Variants in QTMAN observed in about 807,000 individuals in gnomAD.
The protein encoded by QTMAN is queuosine-tRNA mannosyltransferase.
At chr2:144,332,910 C>G in the QTMAN span, among the ~76,000 whole-genome samples, 6 of 152,196 alleles carry the variant, frequency 3.9e-5, no homozygotes, top group African/African-American at 1.4e-4. Context: ...CTGTGCTGTT[C>G]ATTAGGTCGA....
the QTMAN span, among the ~76,000 whole-genome samples, chr2:144,151,214 T>C: frequency 1.5e-4 from 23 of 152,286 alleles, no homozygotes; most frequent in African/African-American, 5.5e-4. Flanking sequence ...TTCTTGCTTT[T>C]AACACCATGT....
the QTMAN span, among the ~76,000 whole-genome samples, chr2:144,254,027 A>G: frequency 2.0e-5 from 3 of 152,224 alleles, no homozygotes; most frequent in Non-Finnish European, 4.4e-5. Flanking sequence ...CATGGCTAAA[A>G]GGGGCCAATG....
At chr2:144,051,116 A>G in the QTMAN span, among the ~76,000 whole-genome samples, 2 of 152,148 alleles carry the variant, frequency 1.3e-5, no homozygotes. Flanking sequence ...TGACCTTACC[A>G]ACATTAGGTG....
chr2:143,979,630 T>C, the QTMAN span, among the ~76,000 whole-genome samples: 2 of 152,188 alleles, frequency 1.3e-5, no homozygotes, highest in Non-Finnish European at 2.9e-5. Flanking sequence ...TTACAATACC[T>C]TCCTCATTTT....
chr2:144,109,635 G>A, the QTMAN span, among the ~76,000 whole-genome samples: 1 of 151,802 alleles, frequency 6.6e-6, no homozygotes, highest in African/African-American at 2.4e-5. Context: ...GAAAATTTTT[G>A]CAATCTACTC....
the QTMAN span, among the ~76,000 whole-genome samples, chr2:144,105,292 T>C: frequency 6.6e-6 from 1 of 152,030 alleles, no homozygotes. Context: ...AGGCTTCAGA[T>C]GATCAAACTT....
chr2:144,231,168 A>C, the QTMAN span, among the ~76,000 whole-genome samples: 1 of 152,292 alleles, frequency 6.6e-6, no homozygotes, highest in East Asian at 1.9e-4. Context: ...TTGACACTAA[A>C]GTATGTACCA....
At chr2:144,092,331 G>A in the QTMAN span, among the ~76,000 whole-genome samples, 12 of 151,924 alleles carry the variant, frequency 7.9e-5, no homozygotes, top group African/African-American at 2.4e-4. Flanking sequence ...GCCCACCACC[G>A]TGCCTGGCTA....
At chr2:144,294,877 G>A in the QTMAN span, among the ~76,000 whole-genome samples, 1 of 152,102 alleles carries the variant, frequency 6.6e-6, no homozygotes, top group Non-Finnish European at 1.5e-5. Flanking sequence ...CTGCCACTTG[G>A]GTAGTTATAC....
the QTMAN span, among the ~76,000 whole-genome samples, chr2:144,013,196 C>T: frequency 6.6e-6 from 1 of 152,148 alleles, no homozygotes; most frequent in South Asian, 2.1e-4. Flanking sequence ...TATGTTCATT[C>T]ATTAACTCAT....
the QTMAN span, among the ~76,000 whole-genome samples, chr2:144,138,401 G>C: frequency 6.6e-6 from 1 of 151,872 alleles, no homozygotes; most frequent in Non-Finnish European, 1.5e-5. Context: ...GTAGTAGAAG[G>C]GGGAAGTGGA....
At chr2:143,968,524 A>G in the QTMAN span, among the ~76,000 whole-genome samples, 2 of 152,158 alleles carry the variant, frequency 1.3e-5, no homozygotes, top group Admixed American at 1.3e-4. Context: ...CTCAAGGTCA[A>G]TGTGTGGGAG....
At chr2:144,221,286 TG>T in the QTMAN span, among the ~76,000 whole-genome samples, 2 of 152,164 alleles carry the variant, frequency 1.3e-5, no homozygotes, top group Non-Finnish European at 2.9e-5. Flanking sequence ...GGATTAACCC[TG>T]GAAGTTACCA....
At chr2:143,998,264 C>T in the QTMAN span, among the ~76,000 whole-genome samples, 1 of 152,002 alleles carries the variant, frequency 6.6e-6, no homozygotes, top group Non-Finnish European at 1.5e-5. Context: ...TAAATTATTT[C>T]CTTCAACAGG....
At chr2:144,224,219 T>G in the QTMAN span, among the ~76,000 whole-genome samples, 8 of 152,224 alleles carry the variant, frequency 5.3e-5, no homozygotes, top group African/African-American at 1.9e-4. Flanking sequence ...TTCTTTTTTA[T>G]TTTCTGAGAG....
chr2:144,039,820 T>C, the QTMAN span, among the ~76,000 whole-genome samples: 1 of 152,208 alleles, frequency 6.6e-6, no homozygotes, highest in Non-Finnish European at 1.5e-5. Context: ...TTGGCTTTCT[T>C]AAATTTCTTT....
chr2:144,007,203 T>C, the QTMAN span: 1 of 1,601,134 alleles, frequency 6.2e-7, no homozygotes, highest in Non-Finnish European at 8.5e-7. Context: ...CCAGACAATG[T>C]GTAGCAGTCT....
chr2:143,986,040 T>C, the QTMAN span, among the ~76,000 whole-genome samples: 16 of 152,306 alleles, frequency 1.1e-4, no homozygotes, highest in Non-Finnish European at 1.5e-4. Context: ...CATCTGCTAA[T>C]TGGGTTCTCA....
chr2:144,029,006 C>T, the QTMAN span, among the ~76,000 whole-genome samples: 3 of 152,158 alleles, frequency 2.0e-5, no homozygotes, highest in African/African-American at 7.2e-5. Flanking sequence ...AATCAAATTG[C>T]CTTGGACTAA....
Sources: gnomAD v4.1 joint callset for allele counts (sites outside exome capture counted in the v4.1 genomes callset) on GRCh38, gnomAD v4.1.1 for gene constraint, MANE v1.5 for transcripts, NCBI Gene and HGNC (gene_info 2026-07-23, HGNC 2026-07-21) for gene names.